The following CC2D2B variants were observed in gnomAD, a reference collection of about 807,000 sequenced individuals.
CC2D2B encodes coiled-coil and C2 domain containing 2B, also known as protein CC2D2B.
CC2D2B carries 128 observed loss-of-function variants against 161.2 expected under a neutral mutation model. The observed-to-expected ratio is 0.79, with a 90% CI of 0.69 to 0.92. The LOEUF (loss-of-function observed/expected upper bound fraction) is 0.92. Among genes scored for constraint, CC2D2B ranks in the 40% least tolerant of loss-of-function variants. CC2D2B has a pLI of 0.00. For missense variants in CC2D2B, 1,173 were observed against 1,375.1 expected, an observed-to-expected ratio of 0.85 and a Z score of 2.32; for synonymous variants, 391 against 449.8, an observed-to-expected ratio of 0.87 and a Z score of 1.65.
At chr10:96,019,464 C>A in intron 31 of CC2D2B, 127 bp downstream of exon 31, 1 of 945,824 alleles carries the variant, frequency 1.1e-6, no homozygotes, top group Non-Finnish European at 1.6e-6. Flanking sequence ...GGGGCCGGGG[C>A]AATCTTTTAT....
chr10:95,914,157 T>C (rs778476392), intron 2 of CC2D2B, among the ~76,000 whole-genome samples: 3 of 152,178 alleles, frequency 2.0e-5, no homozygotes, highest in Admixed American at 6.5e-5. Context: ...GAGATAGGGG[T>C]CCAGTTTCAT....
rs780984520 is a variant in CC2D2B, at chr10:95,938,235, GT to G, written c.535+48del. ...AATATTCAAGTCATTAACGAATTAT[GT>G]TATGGGATAATAGCTTTATTGTATG... On this transcript the variant is annotated intron_variant, in intron 7 of 34. Coordinates refer to ENST00000646931, the MANE Select transcript of CC2D2B (RefSeq NM_001349008.3). The G allele has an allele frequency of 5.5e-4, 672 of 1,212,954 alleles. 2 individuals are homozygous for G. Among genetic ancestry groups the G allele is most frequent in the Non-Finnish European group, 7.5e-4 (636 of 843,258 alleles). 75.1% of individuals were successfully genotyped at this position (1,212,954 alleles called of 1,614,324 possible).
intron 9 of CC2D2B, among the ~76,000 whole-genome samples, chr10:95,942,181 G>C (rs2076046747): frequency 1.3e-5 from 2 of 152,100 alleles, no homozygotes; most frequent in South Asian, 4.1e-4. Context: ...GAGAAATAGG[G>C]AGTTGCTGTT....
At chr10:96,008,166 TTC>T (rs2078836141) in intron 25 of CC2D2B, among the ~76,000 whole-genome samples, 3 of 43,214 alleles carry the variant, frequency 6.9e-5, no homozygotes, top group South Asian at 1.2e-3. Flanking sequence ...ATGGTATGTG[TTC>T]TTTTTTTTTT....
At chr10:96,009,775 A>C in intron 25 of CC2D2B, 50 bp from the exon 26 acceptor site, 1 of 749,466 alleles carries the variant, frequency 1.3e-6, no homozygotes, top group South Asian at 2.6e-5. Flanking sequence ...TTATAAAACT[A>C]TTCATCACAT....
intron 19 of CC2D2B, chr10:95,984,527 A>T (rs924299035): frequency 2.6e-5 from 4 of 152,222 alleles, no homozygotes; most frequent in African/African-American, 9.6e-5. Flanking sequence ...CAGATAAAAC[A>T]AATATGATAA....
At chr10:95,970,452 T>C (rs1304267595) in intron 15 of CC2D2B, among the ~76,000 whole-genome samples, 1 of 152,248 alleles carries the variant, frequency 6.6e-6, no homozygotes, top group Non-Finnish European at 1.5e-5. Flanking sequence ...ACATGTTAGC[T>C]GCTCCGTTTA....
intron 6 of CC2D2B, among the ~76,000 whole-genome samples, chr10:95,935,203 A>G (rs1019316596): frequency 6.6e-6 from 1 of 152,246 alleles, no homozygotes; most frequent in East Asian, 1.9e-4. Context: ...TCACAGTAGT[A>G]AATGGCAATT....
At chr10:95,946,647 G>T (rs1051915509) in intron 9 of CC2D2B, among the ~76,000 whole-genome samples, 3 of 152,042 alleles carry the variant, frequency 2.0e-5, no homozygotes, top group African/African-American at 7.3e-5. Flanking sequence ...AAAGAACAAA[G>T]ACTTACCAGC....
chr10:95,932,118 C>T (rs1021435345), intron 6 of CC2D2B, among the ~76,000 whole-genome samples: 8 of 152,178 alleles, frequency 5.3e-5, no homozygotes, highest in African/African-American at 1.9e-4. Context: ...TGCATCAATC[C>T]TTTACCATTA....
At chr10:95,998,939 G>A (rs2078345270) in intron 24 of CC2D2B, among the ~76,000 whole-genome samples, 1 of 152,060 alleles carries the variant, frequency 6.6e-6, no homozygotes, top group African/African-American at 2.4e-5. Context: ...AAGATGGTGA[G>A]CTGTGCTGGT....
At chr10:96,011,741 GCA>G (rs1429881823) in intron 26 of CC2D2B, among the ~76,000 whole-genome samples, 1 of 127,108 alleles carries the variant, frequency 7.9e-6, no homozygotes, top group Non-Finnish European at 1.7e-5. Flanking sequence ...TTACACACAC[GCA>G]CACACACATA....
chr10:95,951,297 G>A (rs1383872674), intron 10 of CC2D2B, among the ~76,000 whole-genome samples: 1 of 151,958 alleles, frequency 6.6e-6, no homozygotes, highest in African/African-American at 2.4e-5. Context: ...CTACAGATGT[G>A]CACCATCACA....
At position 95,911,652 on chromosome 10, in the gene CC2D2B, A is replaced by C. The variant is rs375485375; in HGVS notation, c.36+293A>C. 4.6e-3 allele frequency among the ~76,000 whole-genome samples: 704 copies of C among 152,310 alleles called. 3 individuals carry two copies. The highest frequency in any genetic ancestry group is 0.013 in the South Asian group (65 of 4,830). On this transcript the variant is annotated intron_variant, in intron 2 of 34. Transcript: ENST00000646931. The stretch of plus-strand genomic sequence containing the variant: ...CAAGCCATTCCCTGCTTTGTTAAAA[A>C]AGATGTTTGTCAGTGAGTTAAATCT...
intron 19 of CC2D2B, among the ~76,000 whole-genome samples, chr10:95,985,637 G>A (rs2077687975): frequency 6.6e-6 from 1 of 152,096 alleles, no homozygotes; most frequent in Non-Finnish European, 1.5e-5. Flanking sequence ...TGAAATCTGG[G>A]CACCTTGAAA....
intron 15 of CC2D2B, among the ~76,000 whole-genome samples, 173 bp downstream of exon 15, chr10:95,969,074 A>T (rs1012333300): frequency 6.6e-6 from 1 of 152,216 alleles, no homozygotes; most frequent in Non-Finnish European, 1.5e-5. Flanking sequence ...CTAGTCTTTT[A>T]TGCTGTAAGT....
intron 34 of CC2D2B, among the ~76,000 whole-genome samples, chr10:96,029,290 A>ATATATATATATATATATG (rs2079955896): frequency 1.1e-5 from 1 of 92,056 alleles, no homozygotes. Context: ...ATATATGTAT[A>ATATATATATATATATATG]TATATATATA....
In CC2D2B at chr10:95,996,160, C is replaced by A. The variant is rs781532595; in HGVS notation, c.2757C>A (p.Phe919Leu). The A allele has an allele frequency of 6.7e-7, 1 of 1,486,296 alleles. No homozygotes were observed. Among genetic ancestry groups the A allele is most frequent in the South Asian group, 1.3e-5 (1 of 79,220 alleles). 92.1% of individuals were successfully genotyped at this position (1,486,296 alleles called of 1,614,324 possible). Residue 919 changes from phenylalanine to leucine, a missense_variant, in exon 24 of 35, where the codon TTC (phenylalanine) becomes TTA (leucine). Physicochemically the swap from Phe to Leu is conservative, Grantham distance 22. This residue lies in a region of CC2D2B where 598 missense variants were observed against 693.2 expected (regional missense o/e 0.86). Coordinates refer to ENST00000646931, the MANE Select transcript of CC2D2B (RefSeq NM_001349008.3). ...ETLHEDTVHP[F>L]VEVSFQHTVY... ...TGTTTCAGGATACTGTACATCCATT[C>A]GTGGAAGTTTCTTTCCAGCACACTG...
At chr10:96,007,657 A>G (rs556095101) in intron 25 of CC2D2B, among the ~76,000 whole-genome samples, 9 of 152,274 alleles carry the variant, frequency 5.9e-5, no homozygotes, top group African/African-American at 2.2e-4. Flanking sequence ...AAGGGCTCCT[A>G]ATGTCCAAAG....
Sources: allele counts gnomAD v4.1 joint callset (sites outside exome capture counted in the v4.1 genomes callset), GRCh38; gene constraint gnomAD v4.1.1; regional missense constraint gnomAD v4.1.1; transcripts MANE v1.5; gene names NCBI Gene and HGNC (gene_info 2026-07-23, HGNC 2026-07-21).